The following PDZRN3 variants were observed in gnomAD, a reference collection of about 807,000 sequenced individuals.
PDZRN3 encodes the protein PDZ domain containing ring finger 3, also known as E3 ubiquitin-protein ligase PDZRN3.
Under a neutral mutation model 85.7 loss-of-function variants are expected in PDZRN3, and 38 were observed. The ratio of observed to expected loss-of-function variants is 0.44; its 90% CI spans 0.34 to 0.58. The LOEUF is 0.58. Among genes scored for constraint, PDZRN3 ranks in the 20% least tolerant of loss-of-function variants. PDZRN3 has a pLI of 0.01. For missense variants in PDZRN3, 1,629 were observed against 1,506.4 expected (o/e 1.08, Z -1.35); for synonymous variants, 759 against 638.0 (o/e 1.19, Z -2.86).
intron 6 of PDZRN3, among the ~76,000 whole-genome samples, chr3:73,390,426 C>T (rs953815948): frequency 7.2e-5 from 11 of 152,038 alleles, no homozygotes; most frequent in South Asian, 4.2e-4. Flanking sequence ...CATTCTGTAG[C>T]GACAAATTTT....
chr3:73,464,086 C>T (rs898762191), intron 3 of PDZRN3, among the ~76,000 whole-genome samples: 4 of 152,092 alleles, frequency 2.6e-5, no homozygotes, highest in South Asian at 2.1e-4. Flanking sequence ...CCTGGGTTGA[C>T]GGGATTCTCC....
intron 3 of PDZRN3, chr3:73,569,583 CAG>C: frequency 9.7e-7 from 1 of 1,026,564 alleles, no homozygotes; most frequent in Non-Finnish European, 1.2e-6. Flanking sequence ...TTGACAGACA[CAG>C]AGGACAGACA....
At chr3:73,413,099 A>G (rs565233732) in intron 3 of PDZRN3, among the ~76,000 whole-genome samples, 50 of 152,340 alleles carry the variant, frequency 3.3e-4, no homozygotes, top group Non-Finnish European at 6.3e-4. Context: ...ACAGTGCCCA[A>G]TGTCAGCTGT....
At chr3:73,547,210 G>A (rs891120680) in intron 3 of PDZRN3, among the ~76,000 whole-genome samples, 7 of 152,208 alleles carry the variant, frequency 4.6e-5, no homozygotes, top group Admixed American at 2.6e-4. Context: ...CTGGAAACAG[G>A]TTGACTCATT....
rs1701687197 is a variant in PDZRN3 at position 73,556,016 on chromosome 3, A to T, written c.918+46338T>A. 1.3e-5 allele frequency among the ~76,000 whole-genome samples: 2 copies of T among 152,164 alleles called. 1 individual carries two copies. The highest frequency in any genetic ancestry group is 4.1e-4 in the South Asian group (2 of 4,834). ...TATGCTTAAGGATTCATAAGAGAAA[A>T]TTCCTAGAAATGCTCCCCACCTCCC... On this transcript the variant is annotated intron_variant, in intron 3 of 9. Coordinates refer to ENST00000263666, the MANE Select transcript of PDZRN3 (RefSeq NM_015009.3).
chr3:73,621,553 T>A (rs1702861268), intron 1 of PDZRN3, among the ~76,000 whole-genome samples: 2 of 150,928 alleles, frequency 1.3e-5, no homozygotes, highest in Non-Finnish European at 3.0e-5. Context: ...ATGGGAGGAG[T>A]TTTATGGTTG....
chr3:73,602,494 C>A, intron 2 of PDZRN3, 33 bp from the exon 3 acceptor site: 1 of 1,069,840 alleles, frequency 9.3e-7, no homozygotes, highest in Non-Finnish European at 1.4e-6. Context: ...TGCATGAATG[C>A]TAGGCATTAA....
chr3:73,519,755 C>T (rs989214111), intron 3 of PDZRN3, among the ~76,000 whole-genome samples: 2 of 152,254 alleles, frequency 1.3e-5, no homozygotes, highest in South Asian at 2.1e-4. Context: ...TCACATCACC[C>T]GGGAATGTGA....
chr3:73,456,470 T>C (rs1304342547), intron 3 of PDZRN3, among the ~76,000 whole-genome samples: 4 of 152,218 alleles, frequency 2.6e-5, no homozygotes, highest in Admixed American at 6.5e-5. Flanking sequence ...ATAATGTCTA[T>C]TGCTACAAAG....
chr3:73,383,581 C>T lies in PDZRN3; in HGVS notation c.2985G>A (p.Met995Ile), dbSNP rs745936197. Reference protein sequence around the residue: ...AKEQRRRREFMMQSRLDCLKE... With the variant: ...AKEQRRRREFIMQSRLDCLKE... ...TGAGACAATCCAACCTGCTCTGCAT[C>T]ATGAACTCGCGCCGCCGCCGCTGCT... The change falls in exon 10 of 10, where the codon ATG (methionine) becomes ATA (isoleucine). Residue 995 changes from methionine (M) to isoleucine (I), a missense_variant. Transcript: ENST00000263666. The T allele has an allele frequency of 1.9e-6, 3 of 1,614,180 alleles. No homozygotes were observed. The highest frequency in any genetic ancestry group is 2.5e-6 in the Non-Finnish European group (3 of 1,180,032).
At chr3:73,496,941 G>C (rs1018808926) in intron 3 of PDZRN3, among the ~76,000 whole-genome samples, 1 of 152,098 alleles carries the variant, frequency 6.6e-6, no homozygotes, top group African/African-American at 2.4e-5. Flanking sequence ...AATCATTAAC[G>C]TATGGGCACA....
intron 3 of PDZRN3, among the ~76,000 whole-genome samples, chr3:73,451,361 G>A (rs2106842602): frequency 6.6e-6 from 1 of 152,288 alleles, no homozygotes; most frequent in East Asian, 1.9e-4. Flanking sequence ...TAGAGGATGA[G>A]GAGGAAAGTC....
Position 73,384,922 on chromosome 3 carries a change from G to T in PDZRN3, c.1644C>A (p.His548Gln). The stretch of plus-strand genomic sequence containing the variant: ...TATCTGTGGTCCCACCGTCTTCGTC[G>T]TGCTTCTTCTGCATAAACACAAGAA... Reference protein sequence around the residue: ...FTASVLQQKKHDEDGGTTDTA... With the variant: ...FTASVLQQKKQDEDGGTTDTA... The change falls in exon 10 of 10, where the codon CAC becomes CAA. Residue 548 changes from histidine to glutamine, a missense_variant. Physicochemically the swap from His to Gln is conservative, Grantham distance 24. Coordinates refer to ENST00000263666, the MANE Select transcript of PDZRN3 (RefSeq NM_015009.3). 6.3e-7 allele frequency: 1 copy of T among 1,598,276 alleles called. No individual in the cohort carries two copies. The highest frequency in any genetic ancestry group is 2.2e-5 in the East Asian group (1 of 44,704).
At chr3:73,475,916 C>T (rs980211721) in intron 3 of PDZRN3, among the ~76,000 whole-genome samples, 2 of 152,228 alleles carry the variant, frequency 1.3e-5, no homozygotes, top group African/African-American at 4.8e-5. Flanking sequence ...GGTGGTTGCA[C>T]CTACCCGCAA....
intron 3 of PDZRN3, among the ~76,000 whole-genome samples, chr3:73,452,839 C>CTATGTGTGTG (rs1553690746): frequency 7.1e-5 from 10 of 140,618 alleles, no homozygotes; most frequent in African/African-American, 2.1e-4. Flanking sequence ...GTCCATATAT[C>CTATGTGTGTG]TGTGTGTGTG....
intron 3 of PDZRN3, among the ~76,000 whole-genome samples, chr3:73,408,899 C>T (rs985403580): frequency 2.0e-5 from 3 of 152,020 alleles, no homozygotes; most frequent in Admixed American, 1.3e-4. Flanking sequence ...CTACATTACA[C>T]AAAACAGTGG....
intron 3 of PDZRN3, among the ~76,000 whole-genome samples, chr3:73,442,512 C>T (rs1431222536): frequency 3.3e-5 from 5 of 152,116 alleles, no homozygotes; most frequent in Non-Finnish European, 7.4e-5. Flanking sequence ...ACTAGAATAA[C>T]ACACTGGGAA....
At chr3:73,569,061 A>C in intron 3 of PDZRN3, 2 of 712,072 alleles carry the variant, frequency 2.8e-6, no homozygotes, top group South Asian at 1.5e-5. Context: ...ATGAAGTAAA[A>C]TAACTGGCCC....
intron 2 of PDZRN3, among the ~76,000 whole-genome samples, chr3:73,603,059 G>T (rs1202968459): frequency 1.3e-5 from 2 of 152,168 alleles, no homozygotes; most frequent in East Asian, 1.9e-4. Context: ...TTGGGTAAAA[G>T]GATATGTACA....
Sources: gnomAD v4.1 joint callset for allele counts (sites outside exome capture counted in the v4.1 genomes callset) on GRCh38, gnomAD v4.1.1 for gene constraint, MANE v1.5 for transcripts, NCBI Gene and HGNC (gene_info 2026-07-23, HGNC 2026-07-21) for gene names.